Variants in EXOC6B observed in about 807,000 individuals in gnomAD.
The protein encoded by EXOC6B is SEC15 homolog B.
In EXOC6B, 54 loss-of-function variants were observed where a neutral mutation model predicts 113.5. The ratio of observed to expected loss-of-function variants is 0.48; its 90% CI spans 0.38 to 0.60. The LOEUF (loss-of-function observed/expected upper bound fraction) is 0.60, where lower values mean the gene tolerates loss of function less well. Among genes scored for constraint, EXOC6B ranks in the 20% least tolerant of loss-of-function variants. The probability of loss-of-function intolerance (pLI) is 0.00; values close to 1 mark genes in which losing one functional copy is unlikely to be tolerated. For missense variants in EXOC6B, 797 were observed against 977.5 expected (o/e 0.82, Z 2.46); for synonymous variants, 357 against 339.0 (o/e 1.05, Z -0.58).
At chr2:72,730,523 A>G (rs1196078118) in intron 5 of EXOC6B, among the ~76,000 whole-genome samples, 1 of 151,508 alleles carries the variant, frequency 6.6e-6, no homozygotes, top group Non-Finnish European at 1.5e-5. Flanking sequence ...CTCCACAATC[A>G]TGTGAGCCAA....
chr2:72,726,823 C>T (rs1680328819), intron 5 of EXOC6B, among the ~76,000 whole-genome samples: 1 of 151,974 alleles, frequency 6.6e-6, no homozygotes, highest in African/African-American at 2.4e-5. Flanking sequence ...TACAGTCAGC[C>T]CTTCATATTT....
At chr2:72,533,858 T>C (rs1314482098) in intron 8 of EXOC6B, among the ~76,000 whole-genome samples, 1 of 152,182 alleles carries the variant, frequency 6.6e-6, no homozygotes, top group Middle Eastern at 3.2e-3. Flanking sequence ...GCACAGTATT[T>C]GCCCCTGTAA....
At chr2:72,350,221 C>G (rs1436291010) in intron 19 of EXOC6B, among the ~76,000 whole-genome samples, 1 of 151,950 alleles carries the variant, frequency 6.6e-6, no homozygotes, top group South Asian at 2.1e-4. Context: ...TATTAAAGAC[C>G]GTTTTTGATA....
chr2:72,707,407 C>T (rs1457740364), intron 6 of EXOC6B, among the ~76,000 whole-genome samples: 1 of 150,650 alleles, frequency 6.6e-6, no homozygotes, highest in Non-Finnish European at 1.5e-5. Flanking sequence ...GTATATTTGT[C>T]ATTTTTCTTT....
chr2:72,825,799 T>C lies in EXOC6B; in HGVS notation c.112A>G (p.Arg38Gly), dbSNP rs1686870465. 6.6e-7 allele frequency: 1 copy of C among 1,509,214 alleles called. No homozygotes were observed. The highest frequency in any genetic ancestry group is 9.0e-7 in the Non-Finnish European group (1 of 1,111,902). 93.5% of individuals were successfully genotyped at this position (1,509,214 alleles called of 1,614,324 possible). Residue 38 changes from arginine (R) to glycine (G), a missense_variant and splice_region_variant, in exon 1 of 22, where the codon AGG becomes GGG. Arg to Gly is a moderately radical substitution (Grantham distance 125, BLOSUM62 -2). Transcript: ENST00000272427. The surrounding 1 kb of genome is among the most constrained non-coding windows in gnomAD (Gnocchi z 4.4). Reference sequence around the variant, plus strand: ...CTGTGGTCCCGGCACCCGGGGTACCTGAGCGTGGGCCCGATGCAGGCCGTG... The same window carrying C: ...CTGTGGTCCCGGCACCCGGGGTACCCGAGCGTGGGCCCGATGCAGGCCGTG... ...TDTACIGPTL[R>G]SVYDGEEHGR...
Position 72,294,658 on chromosome 2 carries a change from G to A in EXOC6B, c.2196+40289C>T, listed in dbSNP as rs147565449. The stretch of plus-strand genomic sequence containing the variant: ...TTGGTCTTGTTTTCTATGGTTTTAC[G>A]CTTTGTTGTTTCCTTTGTTTTCTTT... On this transcript the variant is annotated intron_variant, in intron 20 of 21. Transcript: ENST00000272427. Among the ~76,000 whole-genome samples the A allele has an allele frequency of 3.3e-3, 503 of 151,912 alleles. 1 individual carries two copies. Among genetic ancestry groups the A allele is most frequent in the African/African-American group, 0.012 (482 of 41,444 alleles).
intron 20 of EXOC6B, among the ~76,000 whole-genome samples, chr2:72,247,055 C>G (rs899761718): frequency 6.6e-6 from 1 of 152,176 alleles, no homozygotes; most frequent in Non-Finnish European, 1.5e-5. Flanking sequence ...ACCAAACACA[C>G]TTTTCTAGAA....
chr2:72,771,284 C>T (rs1206104288), intron 1 of EXOC6B, among the ~76,000 whole-genome samples: 1 of 152,128 alleles, frequency 6.6e-6, no homozygotes, highest in Non-Finnish European at 1.5e-5. Flanking sequence ...GCACAGAACT[C>T]TTGTATAGCC....
chr2:72,562,447 C>T (rs1233538003), intron 7 of EXOC6B, among the ~76,000 whole-genome samples: 1 of 152,028 alleles, frequency 6.6e-6, no homozygotes, highest in Non-Finnish European at 1.5e-5. Flanking sequence ...ACCCTGTCTC[C>T]CCTCAAGTTG....
intron 1 of EXOC6B, among the ~76,000 whole-genome samples, chr2:72,791,560 T>C (rs1427694884): frequency 5.3e-5 from 8 of 152,064 alleles, no homozygotes; most frequent in Non-Finnish European, 1.2e-4. Flanking sequence ...AAACTAAATA[T>C]ATAAATAGGT....
chr2:72,232,789 C>T (rs997664821), intron 20 of EXOC6B, among the ~76,000 whole-genome samples: 5 of 151,814 alleles, frequency 3.3e-5, no homozygotes, highest in African/African-American at 9.7e-5. Context: ...TAAAGAAACC[C>T]GGGCCAGGCG....
chr2:72,270,099 T>A (rs566212704), intron 20 of EXOC6B, among the ~76,000 whole-genome samples: 25 of 152,210 alleles, frequency 1.6e-4, no homozygotes, highest in Non-Finnish European at 2.8e-4. Context: ...TCCCTAGGCC[T>A]GGGTATTTTA....
chr2:72,461,767 T>C (rs1286018219), intron 18 of EXOC6B: 1 of 152,066 alleles, frequency 6.6e-6, no homozygotes, highest in Non-Finnish European at 1.5e-5. Context: ...ATTGAAAAAC[T>C]GACTCCAAAA....
At chr2:72,681,510 T>C (rs183911461) in intron 6 of EXOC6B, among the ~76,000 whole-genome samples, 3 of 152,330 alleles carry the variant, frequency 2.0e-5, no homozygotes, top group Admixed American at 2.0e-4. Context: ...GTTAAGTGAA[T>C]GAATCTCTTG....
rs72155589 is a variant in EXOC6B at position 72,401,646 on chromosome 2, C to CATAT, written c.1981-21780_1981-21777dup. On this transcript the variant is annotated intron_variant, in intron 18 of 21. Transcript: ENST00000272427. ...ACATATATATATATATACATATATA[C>CATAT]ATATATATATATATATATATGTATA... Among the ~76,000 whole-genome samples, 37 of 20,692 alleles carry CATAT rather than the reference C, an allele frequency of 1.8e-3. 1 individual carries two copies. Among genetic ancestry groups the CATAT allele is most frequent in the Non-Finnish European group, 2.6e-3 (33 of 12,456 alleles). The allele number at this position is 20,692 out of a possible 152,430, so 13.6% of individuals were successfully genotyped here.
At chr2:72,550,366 G>C (rs1703141152) in intron 8 of EXOC6B, among the ~76,000 whole-genome samples, 1 of 152,078 alleles carries the variant, frequency 6.6e-6, no homozygotes, top group African/African-American at 2.4e-5. Flanking sequence ...TACATGCTTT[G>C]GTCCTTCCTT....
intron 8 of EXOC6B, among the ~76,000 whole-genome samples, chr2:72,518,029 C>G (rs1480499222): frequency 6.6e-6 from 1 of 152,082 alleles, no homozygotes; most frequent in Non-Finnish European, 1.5e-5. Context: ...ATTCTATTCC[C>G]TCTGCCAATT....
chr2:72,751,154 C>T (rs1292685534), intron 1 of EXOC6B, among the ~76,000 whole-genome samples: 1 of 152,044 alleles, frequency 6.6e-6, no homozygotes, highest in East Asian at 1.9e-4. Context: ...TAAGAACACA[C>T]CTGTGACATA....
intron 8 of EXOC6B, among the ~76,000 whole-genome samples, chr2:72,552,135 C>T (rs1422691458): frequency 6.6e-6 from 1 of 152,122 alleles, no homozygotes; most frequent in Non-Finnish European, 1.5e-5. Context: ...AATGTTGGTA[C>T]TGGCGGATAT....
Sources: allele counts gnomAD v4.1 joint callset (sites outside exome capture counted in the v4.1 genomes callset), GRCh38; gene constraint gnomAD v4.1.1; non-coding constraint Gnocchi (gnomAD v3.1); transcripts MANE v1.5; gene names NCBI Gene and HGNC (gene_info 2026-07-23, HGNC 2026-07-21).